SCFD2: variants seen among roughly 807,000 people sequenced by gnomAD.
SCFD2 encodes the protein sec1 family domain containing 2, also known as sec1 family domain-containing protein 2.
A neutral mutation model predicts 58.9 loss-of-function variants in SCFD2; 54 were observed. The ratio of observed to expected loss-of-function variants is 0.92; its 90% CI spans 0.74 to 1.15. SCFD2 has a LOEUF of 1.15. SCFD2 is among the 50% of genes most tolerant of loss of function. SCFD2 has a pLI of 0.00. For missense variants in SCFD2, 805 were observed against 836.6 expected (o/e 0.96, Z 0.47); for synonymous variants, 321 against 335.9 (o/e 0.96, Z 0.49).
Position 53,251,286 on chromosome 4 carries a change from C to A in SCFD2, c.1311+22540G>T, listed in dbSNP as rs930559704. ...AGTCCAGGACCAGATGGATTCACAG[C>A]CGAATTCTACCAGAGGTACAAGGAG... On this transcript the variant is annotated intron_variant, in intron 4 of 8. Coordinates refer to ENST00000401642, the MANE Select transcript of SCFD2 (RefSeq NM_152540.4). 4.6e-5 allele frequency among the ~76,000 whole-genome samples: 7 copies of A among 152,040 alleles called. No individual in the cohort carries two copies. The South Asian group carries it at 8.3e-4, about 18-fold the overall frequency.
chr4:53,238,810 G>C (rs1446872486), intron 4 of SCFD2, among the ~76,000 whole-genome samples: 250 of 141,250 alleles, frequency 1.8e-3, no homozygotes, highest in African/African-American at 6.0e-3. Context: ...GATGGCGGCC[G>C]GGCAGAGGTG....
intron 4 of SCFD2, among the ~76,000 whole-genome samples, chr4:53,147,606 C>T (rs2148914902): frequency 6.6e-6 from 1 of 152,310 alleles, no homozygotes; most frequent in East Asian, 1.9e-4. Context: ...CACACACATG[C>T]TTCCAAAGGA....
rs1730287009 is a variant in SCFD2, at chr4:53,249,852, A to C, written c.1311+23974T>G. ...TACCAGCCACTGAAAAATCATGACA[A>C]ATTGTAAAGACCATCAAGGCTAGGA... On this transcript the variant is annotated intron_variant, in intron 4 of 8. Transcript: ENST00000401642. Among the ~76,000 whole-genome samples the C allele has an allele frequency of 7.2e-5, 11 of 152,346 alleles. No individual in the cohort carries two copies. The South Asian group carries it at 2.3e-3, about 32-fold the overall frequency.
chr4:53,090,419 G>T (rs1443302427), intron 5 of SCFD2, among the ~76,000 whole-genome samples: 1 of 152,186 alleles, frequency 6.6e-6, no homozygotes, highest in Non-Finnish European at 1.5e-5. Flanking sequence ...GAAGAAACCT[G>T]TCTATTAATA....
intron 5 of SCFD2, among the ~76,000 whole-genome samples, chr4:52,987,559 T>A (rs1438018027): frequency 6.6e-6 from 1 of 152,000 alleles, no homozygotes; most frequent in African/African-American, 2.4e-5. Context: ...TTAAACAGAG[T>A]TCATGGAAAG....
At chr4:53,364,503 T>A (rs777608496) in intron 1 of SCFD2, among the ~76,000 whole-genome samples, 26 of 152,264 alleles carry the variant, frequency 1.7e-4, no homozygotes, top group Non-Finnish European at 3.4e-4. Context: ...TATTACAATT[T>A]GAGATTATTT....
intron 4 of SCFD2, among the ~76,000 whole-genome samples, chr4:53,194,656 A>T (rs1026603065): frequency 6.6e-6 from 1 of 152,162 alleles, no homozygotes; most frequent in African/African-American, 2.4e-5. Context: ...AGGATAACTT[A>T]ATGATTTGAA....
chr4:53,246,605 C>T (rs1730082954), intron 4 of SCFD2, among the ~76,000 whole-genome samples: 1 of 152,106 alleles, frequency 6.6e-6, no homozygotes, highest in Admixed American at 6.6e-5. Context: ...GAAAGAACTC[C>T]CTATTCAATA....
At chr4:53,312,993 C>T (rs1732736563) in intron 3 of SCFD2, among the ~76,000 whole-genome samples, 1 of 151,776 alleles carries the variant, frequency 6.6e-6, no homozygotes, top group Admixed American at 6.6e-5. Flanking sequence ...CGCATTACTT[C>T]TGTGGTTCTC....
At chr4:53,322,539 C>A (rs1204405000) in intron 2 of SCFD2, among the ~76,000 whole-genome samples, 2 of 152,162 alleles carry the variant, frequency 1.3e-5, no homozygotes, top group African/African-American at 4.8e-5. Context: ...TATTCCTACT[C>A]TCTATCAGCC....
chr4:53,067,519 T>C (rs1333448175), intron 5 of SCFD2, among the ~76,000 whole-genome samples: 1 of 151,896 alleles, frequency 6.6e-6, no homozygotes, highest in African/African-American at 2.4e-5. Flanking sequence ...TGGGACTAGG[T>C]GGAGATAACT....
chr4:53,076,704 A>G (rs1223052115), intron 5 of SCFD2, among the ~76,000 whole-genome samples: 2 of 152,252 alleles, frequency 1.3e-5, no homozygotes, highest in Admixed American at 1.3e-4. Context: ...TTCTCCATCA[A>G]ATTTAATGAA....
At chr4:53,009,278 C>A (rs1278959662) in intron 5 of SCFD2, among the ~76,000 whole-genome samples, 9 of 152,162 alleles carry the variant, frequency 5.9e-5, no homozygotes, top group Non-Finnish European at 1.3e-4. Context: ...CCTATCTTCC[C>A]AGAAGCATTT....
intron 4 of SCFD2, among the ~76,000 whole-genome samples, chr4:53,193,563 C>A (rs1369981215): frequency 4.6e-5 from 7 of 152,072 alleles, no homozygotes; most frequent in Non-Finnish European, 7.4e-5. Flanking sequence ...GCCTAATTAA[C>A]CAAATAGATT....
At chr4:53,289,698 A>G (rs1731778504) in intron 3 of SCFD2, among the ~76,000 whole-genome samples, 2 of 152,190 alleles carry the variant, frequency 1.3e-5, no homozygotes, top group Non-Finnish European at 2.9e-5. Context: ...ATGGAAAACA[A>G]CAACAACAAG....
chr4:52,986,491 ATTT>A (rs369944739), intron 5 of SCFD2, among the ~76,000 whole-genome samples: 7 of 84,910 alleles, frequency 8.2e-5, no homozygotes, highest in Admixed American at 3.3e-4. Flanking sequence ...TCTTCATGAA[ATTT>A]TTTTTTTTTT....
intron 2 of SCFD2, among the ~76,000 whole-genome samples, chr4:53,344,618 C>G (rs1420618467): frequency 6.6e-6 from 1 of 152,106 alleles, no homozygotes; most frequent in Non-Finnish European, 1.5e-5. Flanking sequence ...TCATATGGAA[C>G]CAAAAAAGAG....
chr4:53,254,123 G>GA (rs1730507393), intron 4 of SCFD2, among the ~76,000 whole-genome samples: 1 of 152,094 alleles, frequency 6.6e-6, no homozygotes, highest in African/African-American at 2.4e-5. Context: ...GAAAGGATCA[G>GA]AAAAAATAAC....
rs138409489 is a variant in SCFD2 at position 53,270,643 on chromosome 4, A to G, written c.1311+3183T>C. Among the ~76,000 whole-genome samples, 556 of 152,336 alleles carry G rather than the reference A, an allele frequency of 3.6e-3. 2 individuals are homozygous for G. The highest frequency in any genetic ancestry group is 0.013 in the African/African-American group (537 of 41,560). On this transcript the variant is annotated intron_variant, in intron 4 of 8. Coordinates refer to ENST00000401642, the MANE Select transcript of SCFD2 (RefSeq NM_152540.4). ...AACAACCAGAAATAAGAAAACAAATATCATTACAAAATGCAAGGTGTTGGA... is the reference window on the plus strand; with the variant it reads ...AACAACCAGAAATAAGAAAACAAATGTCATTACAAAATGCAAGGTGTTGGA...
Sources: gnomAD v4.1 joint callset for allele counts (sites outside exome capture counted in the v4.1 genomes callset) on GRCh38, gnomAD v4.1.1 for gene constraint, MANE v1.5 for transcripts, NCBI Gene and HGNC (gene_info 2026-07-23, HGNC 2026-07-21) for gene names.